The following OPCML variants were observed in gnomAD, a reference collection of about 807,000 sequenced individuals.
The protein encoded by OPCML is opioid-binding protein/cell adhesion molecule.
A neutral mutation model predicts 37.8 loss-of-function variants in OPCML; 13 were observed. The ratio of observed to expected loss-of-function variants is 0.34; its 90% CI spans 0.22 to 0.55. The LOEUF (loss-of-function observed/expected upper bound fraction) is 0.55, where lower values mean the gene tolerates loss of function less well. OPCML is among the 20% of genes least tolerant of loss of function. OPCML has a pLI of 0.91. For missense variants in OPCML, 341 were observed against 435.6 expected (o/e 0.78, Z 1.93); for synonymous variants, 176 against 168.8 (o/e 1.04, Z -0.33).
chr11:132,550,891 G>T (rs1432860052), intron 3 of OPCML, among the ~76,000 whole-genome samples: 1 of 152,204 alleles, frequency 6.6e-6, no homozygotes, highest in South Asian at 2.1e-4. Flanking sequence ...CCTGAATTCT[G>T]CTACCTTCTA....
At chr11:133,296,375 A>G (rs750714184) in intron 1 of OPCML, among the ~76,000 whole-genome samples, 1 of 152,162 alleles carries the variant, frequency 6.6e-6, no homozygotes, top group Non-Finnish European at 1.5e-5. Flanking sequence ...TTGCCTTCAC[A>G]GTCACCTGAA....
chr11:132,880,371 C>T (rs745825787), intron 2 of OPCML, among the ~76,000 whole-genome samples: 39 of 152,296 alleles, frequency 2.6e-4, no homozygotes, highest in Admixed American at 1.0e-3. Context: ...ACAAACTCCA[C>T]GGGCCTTATC....
At chr11:132,862,475 T>C (rs1260985810) in intron 2 of OPCML, among the ~76,000 whole-genome samples, 1 of 145,442 alleles carries the variant, frequency 6.9e-6, no homozygotes, top group Non-Finnish European at 1.5e-5. Context: ...AGCTCTGTCA[T>C]CTATACGAAA....
intron 2 of OPCML, among the ~76,000 whole-genome samples, chr11:132,891,312 G>A (rs912531672): frequency 3.3e-5 from 5 of 152,038 alleles, no homozygotes; most frequent in African/African-American, 1.2e-4. Flanking sequence ...CATCCATCTG[G>A]TCAGAAAGAT....
intron 1 of OPCML, among the ~76,000 whole-genome samples, chr11:133,272,477 C>G (rs934675550): frequency 1.3e-5 from 2 of 152,148 alleles, no homozygotes; most frequent in African/African-American, 4.8e-5. Context: ...AACACCACCT[C>G]GAAACAGTAT....
intron 2 of OPCML, among the ~76,000 whole-genome samples, chr11:132,775,985 G>C (rs1006245536): frequency 1.3e-5 from 2 of 152,188 alleles, no homozygotes; most frequent in African/African-American, 4.8e-5. Context: ...AGGCTGGAGT[G>C]CAGTGGTGCG....
intron 1 of OPCML, among the ~76,000 whole-genome samples, chr11:133,366,859 A>G (rs1944551354): frequency 6.6e-6 from 1 of 152,208 alleles, no homozygotes; most frequent in South Asian, 2.1e-4. Context: ...TTGATGCCTA[A>G]CACTCAGGAG....
intron 1 of OPCML, among the ~76,000 whole-genome samples, chr11:133,433,790 C>T (rs1946176167): frequency 6.6e-6 from 1 of 152,148 alleles, no homozygotes; most frequent in Admixed American, 6.5e-5. Context: ...CCTTTAGGGT[C>T]TGTGGCTCCA....
At chr11:133,197,634 C>T (rs1020498252) in intron 1 of OPCML, among the ~76,000 whole-genome samples, 7 of 152,210 alleles carry the variant, frequency 4.6e-5, no homozygotes, top group Non-Finnish European at 1.0e-4. Flanking sequence ...GAACTCTTCT[C>T]TCTGGAAGGC....
intron 2 of OPCML, among the ~76,000 whole-genome samples, chr11:132,853,617 C>T (rs1032068936): frequency 9.2e-5 from 14 of 152,252 alleles, no homozygotes; most frequent in Admixed American, 7.9e-4. Context: ...ATTCCCCATC[C>T]CACAGCCTTA....
At chr11:132,599,084 G>A (rs1270047464) in intron 3 of OPCML, among the ~76,000 whole-genome samples, 1 of 152,096 alleles carries the variant, frequency 6.6e-6, no homozygotes, top group Non-Finnish European at 1.5e-5. Flanking sequence ...TTCAAGATGA[G>A]CCTGGCCAAC....
chr11:133,080,239 C>T (rs892448439), intron 1 of OPCML, among the ~76,000 whole-genome samples: 3 of 152,136 alleles, frequency 2.0e-5, no homozygotes, highest in African/African-American at 7.2e-5. Flanking sequence ...TCTCAGACTC[C>T]AGTGTGTCCC....
chr11:133,386,311 T>C lies in OPCML; in HGVS notation c.61+145953A>G, dbSNP rs562957630. On this transcript the variant is annotated intron_variant, in intron 1 of 7. Coordinates refer to ENST00000524381, the MANE Select transcript of OPCML (RefSeq NM_001012393.5). The stretch of plus-strand genomic sequence containing the variant: ...ATGGAATCTTAATTAGCAGAAGAAA[T>C]AGACTTTTGTTGGAGTGGTAACTAA... 5.1e-4 allele frequency among the ~76,000 whole-genome samples: 77 copies of C among 152,320 alleles called. No individual in the cohort carries two copies. The South Asian group carries it at 0.016, about 31-fold the overall frequency.
At chr11:132,535,011 CAT>C (rs1008266700) in intron 3 of OPCML, among the ~76,000 whole-genome samples, 15 of 147,560 alleles carry the variant, frequency 1.0e-4, no homozygotes, top group East Asian at 2.0e-4. Context: ...TACACACACA[CAT>C]ATATATATAT....
chr11:132,755,428 A>G (rs1243864884), intron 2 of OPCML, among the ~76,000 whole-genome samples: 3 of 152,182 alleles, frequency 2.0e-5, no homozygotes, highest in African/African-American at 7.2e-5. Context: ...TTTTTAAAAC[A>G]TGTATTTTAC....
intron 2 of OPCML, among the ~76,000 whole-genome samples, chr11:132,834,647 T>C (rs575853870): frequency 6.6e-6 from 1 of 152,316 alleles, no homozygotes; most frequent in East Asian, 1.9e-4. Context: ...TCTCATCTCT[T>C]TGTGCATCTG....
At chr11:133,105,745 C>T (rs993655389) in intron 1 of OPCML, among the ~76,000 whole-genome samples, 5 of 152,196 alleles carry the variant, frequency 3.3e-5, no homozygotes, top group East Asian at 1.9e-4. Flanking sequence ...TTTTGGGAGG[C>T]CAAGGCAGGT....
At chr11:133,524,405 T>G (rs1365175934) in intron 1 of OPCML, among the ~76,000 whole-genome samples, 1 of 152,248 alleles carries the variant, frequency 6.6e-6, no homozygotes. Flanking sequence ...ATTGCATTTT[T>G]GTATCTCTAA....
chr11:133,137,468 A>T (rs1949708850), intron 1 of OPCML, among the ~76,000 whole-genome samples: 1 of 152,238 alleles, frequency 6.6e-6, no homozygotes. Context: ...TTTTAAATAG[A>T]GGACTGACTC....
Sources: gnomAD v4.1 joint callset for allele counts (sites outside exome capture counted in the v4.1 genomes callset) on GRCh38, gnomAD v4.1.1 for gene constraint, MANE v1.5 for transcripts, NCBI Gene and HGNC (gene_info 2026-07-23, HGNC 2026-07-21) for gene names.